Variants in HS6ST1 observed in about 807,000 individuals in gnomAD.
HS6ST1 encodes heparan sulfate 6-O-sulfotransferase 1.
A neutral mutation model predicts 25.2 loss-of-function variants in HS6ST1; 3 were observed. That is an observed-to-expected ratio of 0.12 (90% CI 0.05 to 0.31). HS6ST1 has a LOEUF of 0.31. Ranked by LOEUF, HS6ST1 falls within the 10% of genes least tolerant of loss-of-function variation. The pLI is 1.00. For missense variants in HS6ST1, 310 were observed against 609.6 expected (o/e 0.51, Z 5.18); for synonymous variants, 204 against 275.1 (o/e 0.74, Z 2.56).
At chr2:128,299,751 G>GA in intron 1 of HS6ST1, among the ~76,000 whole-genome samples, 1 of 152,258 alleles carries the variant, frequency 6.6e-6, no homozygotes, top group African/African-American at 2.4e-5. Flanking sequence ...GAGGCACACA[G>GA]GGTAGGGAGC....
intron 1 of HS6ST1, among the ~76,000 whole-genome samples, chr2:128,310,203 G>A (rs1049016105): frequency 3.3e-5 from 5 of 152,218 alleles, no homozygotes; most frequent in African/African-American, 1.2e-4. Flanking sequence ...TGGATTCCCT[G>A]CCCTCCACCG....
At chr2:128,273,669 C>G (rs1693646845) in intron 1 of HS6ST1, among the ~76,000 whole-genome samples, 1 of 152,264 alleles carries the variant, frequency 6.6e-6, no homozygotes, top group African/African-American at 2.4e-5. Context: ...ATCCTCTGGT[C>G]TGGTGCCCCA....
At chr2:128,290,629 G>A (rs1693936509) in intron 1 of HS6ST1, among the ~76,000 whole-genome samples, 1 of 151,976 alleles carries the variant, frequency 6.6e-6, no homozygotes, top group African/African-American at 2.4e-5. Flanking sequence ...AGAAGCATCT[G>A]CTAAAAACAC....
At chr2:128,297,540 C>T (rs1334456813) in intron 1 of HS6ST1, among the ~76,000 whole-genome samples, 3 of 152,136 alleles carry the variant, frequency 2.0e-5, no homozygotes, top group African/African-American at 7.2e-5. Flanking sequence ...AAATTAAAAA[C>T]ATTTAGGCTG....
chr2:128,314,031 C>T (rs1034263612), intron 1 of HS6ST1, among the ~76,000 whole-genome samples: 3 of 152,152 alleles, frequency 2.0e-5, no homozygotes, highest in African/African-American at 7.2e-5. Context: ...AACCAAAGGC[C>T]TCTCTAGGCA....
At chr2:128,316,761 C>T (rs532733234) in intron 1 of HS6ST1, among the ~76,000 whole-genome samples, 48 of 143,398 alleles carry the variant, frequency 3.3e-4, no homozygotes, top group African/African-American at 1.4e-3. Flanking sequence ...GGGAAGATGC[C>T]CCTCCAACTC....
Position 128,266,461 on chromosome 2 carries a change from GTA to G in HS6ST1, c.*1699_*1700del, listed in dbSNP as rs1693516017. The G allele has an allele frequency of 1.3e-5, 2 of 152,218 alleles. No individual in the cohort carries two copies. Among genetic ancestry groups the G allele is most frequent in the African/African-American group, 4.8e-5 (2 of 41,464 alleles). The allele number at this position is 152,218 out of a possible 1,614,324, so 9.4% of individuals were successfully genotyped here. A position where few individuals can be genotyped will look rare whatever the true frequency, so the allele number is the denominator to read the frequency against. On this transcript the variant is annotated 3_prime_UTR_variant, in exon 2 of 2. Transcript: ENST00000259241. ...GACCATCCTGTCCTTGGACCCCAAAGTAAAATGGGGCCAGTGTAGGAGACCTG... is the reference window on the plus strand; with the variant it reads ...GACCATCCTGTCCTTGGACCCCAAAGAAATGGGGCCAGTGTAGGAGACCTG...
chr2:128,311,403 G>A (rs1353667332), intron 1 of HS6ST1, among the ~76,000 whole-genome samples: 1 of 152,166 alleles, frequency 6.6e-6, no homozygotes, highest in Non-Finnish European at 1.5e-5. Flanking sequence ...CCTGAATCAT[G>A]CAGCCCTTCC....
At chr2:128,271,926 C>T (rs1693614931) in intron 1 of HS6ST1, among the ~76,000 whole-genome samples, 4 of 152,210 alleles carry the variant, frequency 2.6e-5, no homozygotes. Context: ...CACCAGAGCA[C>T]AGAGGGATGG....
intron 1 of HS6ST1, among the ~76,000 whole-genome samples, chr2:128,284,867 G>T (rs1286914881): frequency 6.6e-6 from 1 of 152,264 alleles, no homozygotes; most frequent in South Asian, 2.1e-4. Flanking sequence ...AACGGAGAGG[G>T]ACCCCACGGC....
rs141009688 is a variant in HS6ST1 at position 128,271,309 on chromosome 2, T to C, written c.528-2439A>G. On this transcript the variant is annotated intron_variant, in intron 1 of 1. Transcript: ENST00000259241. ...GGCTCCAGAAGACGCTGATGAGCCT[T>C]AGAGCCTGCTGGTCATGTCTGGAGC... 2.2e-3 allele frequency among the ~76,000 whole-genome samples: 328 copies of C among 152,278 alleles called. 2 individuals carry two copies. Among genetic ancestry groups the C allele is most frequent in the Middle Eastern group, 0.01 (3 of 294 alleles).
At chr2:128,308,540 C>G (rs142919287) in intron 1 of HS6ST1, among the ~76,000 whole-genome samples, 1 of 152,240 alleles carries the variant, frequency 6.6e-6, no homozygotes, top group South Asian at 2.1e-4. Flanking sequence ...CAGGGTCTCA[C>G]GACCTGGGCA....
intron 1 of HS6ST1, among the ~76,000 whole-genome samples, chr2:128,291,393 T>C (rs1269116594): frequency 6.6e-6 from 1 of 152,178 alleles, no homozygotes; most frequent in Non-Finnish European, 1.5e-5. Context: ...TCCTGGAGGT[T>C]TGGGGCGGCC....
Position 128,265,821 on chromosome 2 carries a change from C to A in HS6ST1, c.*2341G>T, listed in dbSNP as rs1693502240. Reference sequence around the variant, plus strand: ...TCCCTGCCTGTTTCCGTCCTCACAGCCCTGGGAGGGCCCCGGTGGACAGAG... The same window carrying A: ...TCCCTGCCTGTTTCCGTCCTCACAGACCTGGGAGGGCCCCGGTGGACAGAG... On this transcript the variant is annotated 3_prime_UTR_variant, in exon 2 of 2. Coordinates refer to ENST00000259241, the MANE Select transcript of HS6ST1 (RefSeq NM_004807.3). 6.6e-6 allele frequency: 1 copy of A among 152,210 alleles called. No individual in the cohort carries two copies. The highest frequency in any genetic ancestry group is 2.4e-5 in the African/African-American group (1 of 41,438). The allele number at this position is 152,210 out of a possible 1,614,324, so 9.4% of individuals were successfully genotyped here.
chr2:128,279,159 T>C (rs1168662134), intron 1 of HS6ST1, among the ~76,000 whole-genome samples: 1 of 151,908 alleles, frequency 6.6e-6, no homozygotes, highest in Admixed American at 6.6e-5. Flanking sequence ...TCCCCTCCCA[T>C]GCCCGAAGCT....
chr2:128,291,760 G>A (rs936282785), intron 1 of HS6ST1, among the ~76,000 whole-genome samples: 1 of 152,218 alleles, frequency 6.6e-6, no homozygotes, highest in Non-Finnish European at 1.5e-5. Context: ...CCACGGGGAG[G>A]CCCTGGACAG....
chr2:128,312,200 G>A (rs1694302380), intron 1 of HS6ST1, among the ~76,000 whole-genome samples: 1 of 152,262 alleles, frequency 6.6e-6, no homozygotes, highest in African/African-American at 2.4e-5. Flanking sequence ...GCATGCAGGG[G>A]TTGCTGGGAG....
intron 1 of HS6ST1, among the ~76,000 whole-genome samples, chr2:128,284,253 C>T (rs1273936621): frequency 6.6e-6 from 1 of 152,046 alleles, no homozygotes; most frequent in Admixed American, 6.5e-5. Context: ...TCCGATGGCC[C>T]GTGCCCAGGT....
chr2:128,302,396 G>A (rs959257386), intron 1 of HS6ST1, among the ~76,000 whole-genome samples: 11 of 152,104 alleles, frequency 7.2e-5, no homozygotes, highest in Admixed American at 7.2e-4. Context: ...GTGCATGTGT[G>A]GGACTCTCTC....
Sources: gnomAD v4.1 joint callset for allele counts (sites outside exome capture counted in the v4.1 genomes callset) on GRCh38, gnomAD v4.1.1 for gene constraint, MANE v1.5 for transcripts, NCBI Gene and HGNC (gene_info 2026-07-23, HGNC 2026-07-21) for gene names.